The following PCBP3 variants were observed in gnomAD, a reference collection of about 807,000 sequenced individuals.
PCBP3 encodes the protein poly(rC) binding protein 3, also known as poly(rC)-binding protein 3.
Under a neutral mutation model 52.7 loss-of-function variants are expected in PCBP3, and 25 were observed. The ratio of observed to expected loss-of-function variants is 0.47; its 90% confidence interval spans 0.35 to 0.66. PCBP3 has a LOEUF of 0.66. Among genes scored for constraint, PCBP3 ranks in the 30% least tolerant of loss-of-function variants. PCBP3 has a pLI of 0.01. For synonymous variants in PCBP3, 162 were observed against 183.0 expected (o/e 0.89, Z 0.93); for missense variants, 391 against 490.3 (o/e 0.80, Z 1.91).
intron 2 of PCBP3, among the ~76,000 whole-genome samples, chr21:45,691,400 C>A (rs8130675): frequency 0.63 from 86,256 of 136,658 alleles, 26,578 homozygotes; most frequent in African/African-American, 0.78. Context: ...ATATATATAT[C>A]TCATATATAT....
chr21:45,885,095 G>A (rs1229655972), intron 5 of PCBP3, among the ~76,000 whole-genome samples: 1 of 152,122 alleles, frequency 6.6e-6, no homozygotes, highest in Non-Finnish European at 1.5e-5. Flanking sequence ...GCGTAGGCAC[G>A]CTGGCAGCAA....
At position 45,819,621 on chromosome 21, in the gene PCBP3, T is replaced by C. The variant is rs1201187143; in HGVS notation, c.-125-30340T>C. Among the ~76,000 whole-genome samples, 22 of 152,366 alleles carry C rather than the reference T, an allele frequency of 1.4e-4. No individual in the cohort carries two copies. In the East Asian group the frequency reaches 3.9e-3, roughly 27 times the overall value. On this transcript the variant is annotated intron_variant, in intron 4 of 17. Coordinates refer to ENST00000681687, the MANE Select transcript of PCBP3 (RefSeq NM_001384156.1). The stretch of plus-strand genomic sequence containing the variant: ...AACCGCCCACGCAGCCCTGAAGTCC[T>C]TGATGGTAGTGTAGATTCTACAGTC...
intron 5 of PCBP3, among the ~76,000 whole-genome samples, chr21:45,877,693 C>T (rs1260193694): frequency 6.6e-6 from 1 of 152,172 alleles, no homozygotes; most frequent in Non-Finnish European, 1.5e-5. Context: ...GTAGTCCCAG[C>T]CACTCAGGAG....
intron 4 of PCBP3, among the ~76,000 whole-genome samples, chr21:45,807,248 G>A (rs561536669): frequency 6.6e-6 from 1 of 152,166 alleles, no homozygotes; most frequent in Non-Finnish European, 1.5e-5. Flanking sequence ...AAGTCAAATT[G>A]TCTCTGTTTG....
rs2092470127 is a variant in PCBP3 at position 45,805,668 on chromosome 21, C to G, written c.-125-44293C>G. ...GCACATTTTCACAGGGAGAGTGTGA[C>G]TGGAAGGACCAGCCGTTGCTGCTGG... On this transcript the variant is annotated intron_variant, in intron 4 of 17. Coordinates refer to ENST00000681687, the MANE Select transcript of PCBP3 (RefSeq NM_001384156.1). The surrounding 1 kb of genome is among the most constrained non-coding windows in gnomAD (Gnocchi z 4.6). Among the ~76,000 whole-genome samples the G allele has an allele frequency of 6.6e-6, 1 of 152,198 alleles. No homozygotes were observed. Among genetic ancestry groups the G allele is most frequent in the Non-Finnish European group, 1.5e-5 (1 of 68,048 alleles).
chr21:45,868,677 C>T (rs2094864926), intron 5 of PCBP3, among the ~76,000 whole-genome samples: 1 of 152,226 alleles, frequency 6.6e-6, no homozygotes, highest in Admixed American at 6.5e-5. Context: ...GCCAGACTTC[C>T]AGAAACATTG....
intron 2 of PCBP3, among the ~76,000 whole-genome samples, chr21:45,670,980 A>T (rs185396119): frequency 2.9e-3 from 449 of 152,292 alleles, no homozygotes; most frequent in Non-Finnish European, 5.5e-3. Flanking sequence ...CTGGCAGATG[A>T]GAGAGCACAC....
chr21:45,708,933 A>G (rs994696073), intron 2 of PCBP3, among the ~76,000 whole-genome samples: 5 of 152,266 alleles, frequency 3.3e-5, no homozygotes, highest in African/African-American at 1.2e-4. Flanking sequence ...TGCAGAGGCC[A>G]AGGGACCCAG....
At chr21:45,728,701 C>G (rs1330360025) in intron 2 of PCBP3, 1 of 152,094 alleles carries the variant, frequency 6.6e-6, no homozygotes, top group East Asian at 1.9e-4. Flanking sequence ...TCATCTCGGT[C>G]AGCACTTTTC....
In PCBP3 at chr21:45,805,646, C is replaced by T. The variant is rs1009868163; in HGVS notation, c.-125-44315C>T. Among the ~76,000 whole-genome samples, 9 of 152,174 alleles carry T rather than the reference C, an allele frequency of 5.9e-5. No individual in the cohort carries two copies. Among genetic ancestry groups the T allele is most frequent in the Non-Finnish European group, 1.2e-4 (8 of 68,034 alleles). On this transcript the variant is annotated intron_variant, in intron 4 of 17. Transcript: ENST00000681687. This position sits in a 1 kb window ranked among gnomAD's most constrained non-coding sequence, Gnocchi z 4.6. The stretch of plus-strand genomic sequence containing the variant: ...TTTGTGTCAACAGTTGGGGCAAGCA[C>T]ATTTTCACAGGGAGAGTGTGACTGG...
chr21:45,849,330 G>A (rs776211507), intron 4 of PCBP3, among the ~76,000 whole-genome samples: 7 of 151,298 alleles, frequency 4.6e-5, no homozygotes, highest in East Asian at 2.0e-4. Flanking sequence ...CTCAGCCTCC[G>A]GAGTAGCTGG....
In PCBP3 at chr21:45,928,667, C is replaced by T. The variant is rs1053308210; in HGVS notation, c.718-1250C>T. Among the ~76,000 whole-genome samples the T allele has an allele frequency of 1.3e-5, 2 of 152,066 alleles. No homozygotes were observed. The highest frequency in any genetic ancestry group is 2.9e-5 in the Non-Finnish European group (2 of 68,006). On this transcript the variant is annotated intron_variant, in intron 13 of 17. Coordinates refer to ENST00000681687, the MANE Select transcript of PCBP3 (RefSeq NM_001384156.1). The surrounding 1 kb of genome is among the most constrained non-coding windows in gnomAD (Gnocchi z 4.1). ...CGGCCTTCTCACGTGCAGATGGCAG[C>T]TCTGCTCCGAGCGCCCACACCCCCC...
intron 1 of PCBP3, among the ~76,000 whole-genome samples, chr21:45,655,484 T>C (rs533466107): frequency 1.3e-5 from 2 of 152,272 alleles, no homozygotes; most frequent in African/African-American, 2.4e-5. Flanking sequence ...AAGTAGTAGA[T>C]ATTGTGGTAT....
intron 2 of PCBP3, among the ~76,000 whole-genome samples, chr21:45,685,951 C>G (rs1274476442): frequency 7.4e-6 from 1 of 135,650 alleles, no homozygotes; most frequent in African/African-American, 2.8e-5. Context: ...TGGAGTCTTA[C>G]TCTGTCGCTC....
In PCBP3 at chr21:45,802,697, C is replaced by T. The variant is rs2092351787; in HGVS notation, c.-126+47245C>T. Among the ~76,000 whole-genome samples the T allele has an allele frequency of 6.6e-6, 1 of 152,076 alleles. No homozygotes were observed. On this transcript the variant is annotated intron_variant, in intron 4 of 17. Transcript: ENST00000681687. This position sits in a 1 kb window ranked among gnomAD's most constrained non-coding sequence, Gnocchi z 5.1. ...TCCTCTCCTTCATGGGGAGGAGAGG[C>T]CCTGAGGGAGGCAGGAGCAGGAGGG...
rs906744716 is a variant in PCBP3, at chr21:45,886,922, C to T, written c.11-9286C>T. ...AGGGCGGAGGTCTAGGCTCTGTACG[C>T]GGCCTTTGCTGCGTGGGTGGGGAGG... On this transcript the variant is annotated intron_variant, in intron 5 of 17. Coordinates refer to ENST00000681687, the MANE Select transcript of PCBP3 (RefSeq NM_001384156.1). Among the ~76,000 whole-genome samples the T allele has an allele frequency of 3.9e-5, 6 of 152,332 alleles. No homozygotes were observed. In the East Asian group the frequency reaches 7.7e-4, roughly 20 times the overall value.
chr21:45,909,396 G>T lies in PCBP3; in HGVS notation c.381G>T (p.Lys127Asn). 6.2e-7 allele frequency: 1 copy of T among 1,613,258 alleles called. No homozygotes were observed. The highest frequency in any genetic ancestry group is 8.5e-7 in the Non-Finnish European group (1 of 1,179,734). Residue 127 changes from lysine to asparagine, a missense_variant, in exon 10 of 18, where the codon AAG becomes AAT. Coordinates refer to ENST00000681687, the MANE Select transcript of PCBP3 (RefSeq NM_001384156.1). ...NSMSNSPATS[K>N]PPVTLRLVVP... is the part of the protein sequence containing the mutation. The stretch of plus-strand genomic sequence containing the variant: ...TGAGCAACAGCCCTGCCACCAGCAA[G>T]CCCCCAGTGACGCTGAGGCTGGTGG...
At chr21:45,669,428 T>C (rs991439231) in intron 2 of PCBP3, among the ~76,000 whole-genome samples, 2 of 152,158 alleles carry the variant, frequency 1.3e-5, no homozygotes, top group Non-Finnish European at 2.9e-5. Flanking sequence ...AAAATTTTAG[T>C]TAAACATATA....
At chr21:45,757,043 T>C (rs2088122458) in intron 4 of PCBP3, among the ~76,000 whole-genome samples, 1 of 152,254 alleles carries the variant, frequency 6.6e-6, no homozygotes, top group African/African-American at 2.4e-5. Flanking sequence ...TGAGTTTATA[T>C]GTAGAAGTAG....
Sources: allele counts gnomAD v4.1 joint callset (sites outside exome capture counted in the v4.1 genomes callset), GRCh38; gene constraint gnomAD v4.1.1; non-coding constraint Gnocchi (gnomAD v3.1); transcripts MANE v1.5; gene names NCBI Gene and HGNC (gene_info 2026-07-23, HGNC 2026-07-21).